CHRDL1: variants seen among roughly 807,000 people sequenced by gnomAD.
The protein encoded by CHRDL1 is chordin like 1, also known as chordin-like protein 1.
Under a neutral mutation model 40.9 loss-of-function variants are expected in CHRDL1, and 19 were observed. That is an observed-to-expected ratio of 0.46 (90% CI 0.32 to 0.68). The LOEUF is 0.68. Among genes scored for constraint, CHRDL1 ranks in the 30% least tolerant of loss-of-function variants. The pLI is 0.03. For missense variants in CHRDL1, 329 were observed against 352.1 expected (o/e 0.93, Z 0.53); for synonymous variants, 136 against 123.4 (o/e 1.10, Z -0.68).
intron 2 of CHRDL1, among the ~76,000 whole-genome samples, chrX:110,784,199 T>C (rs943237161): frequency 8.9e-6 from 1 of 111,945 alleles, no homozygotes. Context: ...GGAAAACGTT[T>C]CTTATTTCAC....
intron 2 of CHRDL1, among the ~76,000 whole-genome samples, chrX:110,780,355 T>C (rs1350822128): frequency 1.8e-5 from 2 of 111,237 alleles, no homozygotes; most frequent in African/African-American, 3.3e-5. Flanking sequence ...ATTAACAGCA[T>C]ATATTATATA....
rs750774358 is a variant in CHRDL1 at position 110,792,216 on chromosome X, C to A, written c.-34-1G>T. ...TGCAAAAGGTGACAGAACCTTCAAG[C>A]TGTTGGGAAGAAAGCAGAAAAAAGA... On this transcript the variant is annotated splice_acceptor_variant, in intron 1 of 11. Transcript: ENST00000372042. LOFTEE classifies it low-confidence loss of function (5UTR_SPLICE). 2 of 882,922 alleles carry A rather than the reference C, an allele frequency of 2.3e-6. No individual in the cohort carries two copies. The highest frequency in any genetic ancestry group is 3.3e-6 in the Non-Finnish European group (2 of 612,581). 72.8% of individuals were successfully genotyped at this position (882,922 alleles called of 1,213,427 possible). A position where few individuals can be genotyped will look rare whatever the true frequency, so the allele number is the denominator to read the frequency against.
At chrX:110,782,106 G>A (rs1442529750) in intron 2 of CHRDL1, among the ~76,000 whole-genome samples, 1 of 111,941 alleles carries the variant, frequency 8.9e-6, no homozygotes. Context: ...AGCAGCCAGG[G>A]AACCAACTGC....
rs767628801 is a variant in CHRDL1 at position 110,689,349 on chromosome X, A to G, written c.779-546T>C. Among the ~76,000 whole-genome samples, 9 of 97,511 alleles carry G rather than the reference A, an allele frequency of 9.2e-5. No homozygotes were observed. In the East Asian group the frequency reaches 2.8e-3, roughly 31 times the overall value. The allele number at this position is 97,511 out of a possible 115,157, so 84.7% of individuals were successfully genotyped here. On this transcript the variant is annotated intron_variant, in intron 8 of 11. Coordinates refer to ENST00000372042, the MANE Select transcript of CHRDL1 (RefSeq NM_001143981.2). Reference sequence around the variant, plus strand: ...AAGACTCAAGAGATCCACTTGCCTCAGCCTCCTAAAGTGCTGAGATTACAG... The same window carrying G: ...AAGACTCAAGAGATCCACTTGCCTCGGCCTCCTAAAGTGCTGAGATTACAG...
chrX:110,711,795 A>G (rs990892490), intron 6 of CHRDL1, among the ~76,000 whole-genome samples: 1 of 112,313 alleles, frequency 8.9e-6, no homozygotes, highest in Non-Finnish European at 1.9e-5. Context: ...GGAAAGAGAA[A>G]TCAAGTGTCT....
intron 9 of CHRDL1, among the ~76,000 whole-genome samples, chrX:110,682,177 A>G (rs1179283678): frequency 2.7e-5 from 3 of 112,110 alleles, no homozygotes; most frequent in Non-Finnish European, 5.6e-5. Context: ...TACTTGCCCA[A>G]AGGATCCATC....
At chrX:110,706,243 T>A (rs2070636605) in intron 6 of CHRDL1, among the ~76,000 whole-genome samples, 1 of 111,992 alleles carries the variant, frequency 8.9e-6, no homozygotes, top group African/African-American at 3.2e-5. Flanking sequence ...CCAAGTCTTT[T>A]TGTAAAAAAC....
rs774383741 is a variant in CHRDL1, at chrX:110,681,575, C to T, written c.1063G>A (p.Val355Ile). 4.2e-6 allele frequency: 5 copies of T among 1,202,678 alleles called. No individual in the cohort carries two copies. The Admixed American group carries it at 8.7e-5, about 21-fold the overall frequency. The stretch of plus-strand genomic sequence containing the variant: ...GTTGTCTCCCCATCCTCCATGAATA[C>T]AGACTCATACACAGGCATCGTTTCT... ...GEETMPVYES[V>I]FMEDGETTRK... The change falls in exon 10 of 12, where the codon GTA (valine) becomes ATA (isoleucine). Residue 355 changes from valine to isoleucine, a missense_variant. Val to Ile is a conservative substitution (Grantham distance 29). Transcript: ENST00000372042.
chrX:110,697,834 ACACACACACACAC>A (rs2070425877), intron 7 of CHRDL1, among the ~76,000 whole-genome samples: 2 of 85,696 alleles, frequency 2.3e-5, no homozygotes, highest in African/African-American at 1.4e-4. Context: ...ACACACACAC[ACACACACACACAC>A]ACACACACAC....
At chrX:110,764,168 G>A (rs895586198) in intron 2 of CHRDL1, among the ~76,000 whole-genome samples, 27 of 111,937 alleles carry the variant, frequency 2.4e-4, no homozygotes, top group African/African-American at 8.8e-4. Context: ...AGATTGTGAA[G>A]ATTTTCTCCC....
At chrX:110,759,166 G>A (rs555365892) in intron 4 of CHRDL1, among the ~76,000 whole-genome samples, 1 of 112,436 alleles carries the variant, frequency 8.9e-6, no homozygotes, top group Middle Eastern at 4.6e-3. Flanking sequence ...CATAATAACT[G>A]CAGTCTGGAG....
chrX:110,774,629 C>T (rs2089818869), intron 2 of CHRDL1, among the ~76,000 whole-genome samples: 1 of 111,053 alleles, frequency 9.0e-6, no homozygotes, highest in South Asian at 3.9e-4. Flanking sequence ...GTATTGTAGT[C>T]AGAATTTTTG....
chrX:110,779,188 A>AC (rs751264086), intron 2 of CHRDL1, among the ~76,000 whole-genome samples: 1 of 110,087 alleles, frequency 9.1e-6, no homozygotes, highest in African/African-American at 3.3e-5. Flanking sequence ...CTGTACACCA[A>AC]CCCCCCGTGA....
At chrX:110,776,177 C>T (rs1290643224) in intron 2 of CHRDL1, among the ~76,000 whole-genome samples, 1 of 112,270 alleles carries the variant, frequency 8.9e-6, no homozygotes, top group Middle Eastern at 4.2e-3. Context: ...TATTATTTTG[C>T]TAATGTTCTT....
chrX:110,695,694 C>A (rs1418055272), intron 7 of CHRDL1, among the ~76,000 whole-genome samples: 1 of 79,201 alleles, frequency 1.3e-5, no homozygotes, highest in Non-Finnish European at 2.4e-5. Context: ...GTTATGGGGT[C>A]CCCTGACCAT....
At chrX:110,767,621 T>C (rs760016461) in intron 2 of CHRDL1, among the ~76,000 whole-genome samples, 1 of 104,959 alleles carries the variant, frequency 9.5e-6, no homozygotes, top group Non-Finnish European at 2.0e-5. Context: ...TAAAATAAAA[T>C]AAAATAAAAT....
chrX:110,709,744 C>T (rs2070713621), intron 6 of CHRDL1, among the ~76,000 whole-genome samples: 1 of 112,049 alleles, frequency 8.9e-6, no homozygotes, highest in Admixed American at 9.5e-5. Flanking sequence ...GTGACTCATG[C>T]CTGTAATCTC....
chrX:110,746,693 T>A (rs1310980440), intron 4 of CHRDL1, among the ~76,000 whole-genome samples: 2 of 111,492 alleles, frequency 1.8e-5, no homozygotes, highest in Non-Finnish European at 3.8e-5. Context: ...AATGCCTGGT[T>A]ATGAGGCTGC....
intron 2 of CHRDL1, among the ~76,000 whole-genome samples, chrX:110,779,729 G>A (rs762721240): frequency 9.0e-6 from 1 of 111,149 alleles, no homozygotes; most frequent in South Asian, 3.8e-4. Context: ...ATAACTTGCT[G>A]GGATTTTACT....
Sources: gnomAD v4.1 joint callset for allele counts (sites outside exome capture counted in the v4.1 genomes callset) on GRCh38, gnomAD v4.1.1 for gene constraint, MANE v1.5 for transcripts, NCBI Gene and HGNC (gene_info 2026-07-23, HGNC 2026-07-21) for gene names.